PTK2: variants seen among roughly 807,000 people sequenced by gnomAD.
PTK2 encodes protein tyrosine kinase 2, also known as focal adhesion kinase 1.
Under a neutral mutation model 150.1 loss-of-function variants are expected in PTK2, and 45 were observed. The observed-to-expected ratio is 0.30, with a 90% CI of 0.24 to 0.38. The LOEUF (loss-of-function observed/expected upper bound fraction) is 0.38. Among genes scored for constraint, PTK2 ranks in the 10% least tolerant of loss-of-function variants. The pLI is 1.00. For synonymous variants in PTK2, 432 were observed against 449.2 expected (o/e 0.96, Z 0.48); for missense variants, 919 against 1,307.3 (o/e 0.70, Z 4.58).
Position 140,782,980 on chromosome 8 carries a change from T to G in PTK2, c.1177+6494A>C, listed in dbSNP as rs372495066. ...TAGGCTAGGTGCAGTGGCTCACACC[T>G]GTAATCCCAGCACTTTCGGAGGCAG... is the stretch of plus-strand genomic sequence containing the variant. On this transcript the variant is annotated intron_variant, in intron 14 of 31. Transcript: ENST00000522684. Among the ~76,000 whole-genome samples the G allele has an allele frequency of 1.1e-4, 16 of 152,312 alleles. No individual in the cohort carries two copies. In the East Asian group the frequency reaches 2.9e-3, roughly 28 times the overall value.
intron 5 of PTK2, among the ~76,000 whole-genome samples, chr8:140,850,319 G>A (rs1475938190): frequency 1.3e-5 from 2 of 151,950 alleles, no homozygotes; most frequent in Admixed American, 6.6e-5. Context: ...CCAGGTACTC[G>A]GGAGGCTAAG....
intron 23 of PTK2, 33 bp downstream of exon 26, chr8:140,717,565 T>C: frequency 2.0e-6 from 3 of 1,510,208 alleles, no homozygotes; most frequent in Non-Finnish European, 2.8e-6. Context: ...TTAGTAAGAG[T>C]AACCCCAAAG....
chr8:140,820,102 T>G (rs1162883437), intron 8 of PTK2, among the ~76,000 whole-genome samples: 10 of 88,802 alleles, frequency 1.1e-4, no homozygotes, highest in Non-Finnish European at 1.5e-4. Context: ...TTTTTTTTTT[T>G]TTTTTTTTTT....
intron 1 of PTK2, among the ~76,000 whole-genome samples, chr8:140,982,081 A>AAAAAAAAAAAAAAAAAAC (rs144602670): frequency 6.8e-6 from 1 of 146,574 alleles, no homozygotes. Context: ...AAAAAAAAAA[A>AAAAAAAAAAAAAAAAAAC]AATGACTCAG....
At chr8:140,687,699 T>C (rs1303328131) in intron 26 of PTK2, among the ~76,000 whole-genome samples, 1 of 152,180 alleles carries the variant, frequency 6.6e-6, no homozygotes, top group Non-Finnish European at 1.5e-5. Flanking sequence ...ATTGTATCAG[T>C]TCCTACTAGG....
intron 4 of PTK2, among the ~76,000 whole-genome samples, chr8:140,867,455 C>T (rs566199329): frequency 8.5e-5 from 13 of 152,202 alleles, no homozygotes; most frequent in African/African-American, 2.6e-4. Context: ...CACAATGATA[C>T]GAAGAAAAGG....
Position 140,706,220 on chromosome 8 carries a change from G to C in PTK2, c.2143-15C>G, listed in dbSNP as rs541823774. The C allele has an allele frequency of 6.3e-7, 1 of 1,592,862 alleles. No homozygotes were observed. Among genetic ancestry groups the C allele is most frequent in the African/African-American group, 1.4e-5 (1 of 74,010 alleles). The stretch of plus-strand genomic sequence containing the variant: ...GGTCTGCTGGGCTGTAAAATCAAGA[G>C]AGCATCATATGAATGAACCTTTTGA... On this transcript the variant is annotated splice_polypyrimidine_tract_variant and intron_variant, in intron 23 of 31. Transcript: ENST00000522684.
chr8:140,745,466 G>A (rs961177725), intron 18 of PTK2, among the ~76,000 whole-genome samples: 4 of 152,176 alleles, frequency 2.6e-5, no homozygotes, highest in Non-Finnish European at 5.9e-5. Context: ...AAAAGCAAAA[G>A]CAGAAAAGTA....
Position 140,741,450 on chromosome 8 carries a change from G to GT in PTK2, c.1735+1779dup, listed in dbSNP as rs547611098. ...AGCCTGGGCGACAGAGTGAGACTCT[G>GT]TCTCAAAAAAAAAATAATAATAATA... On this transcript the variant is annotated intron_variant, in intron 20 of 31. Transcript: ENST00000522684. Among the ~76,000 whole-genome samples, 377 of 150,262 alleles carry GT rather than the reference G, an allele frequency of 2.5e-3. 1 individual carries two copies. The highest frequency in any genetic ancestry group is 4.5e-3 in the Non-Finnish European group (307 of 67,714).
At chr8:140,789,349 G>T (rs1174056941) in intron 14 of PTK2, 125 bp downstream of exon 14, 6 of 815,162 alleles carry the variant, frequency 7.4e-6, no homozygotes, top group Non-Finnish European at 1.1e-5. Flanking sequence ...ATGCAAATTT[G>T]GATAGCCAGA....
intron 7 of PTK2, among the ~76,000 whole-genome samples, chr8:140,844,683 AAC>A (rs1567411055): frequency 1.3e-5 from 2 of 151,886 alleles, no homozygotes; most frequent in Non-Finnish European, 2.9e-5. Flanking sequence ...CTCTCCCTCA[AAC>A]TGCATTTTTC....
intron 7 of PTK2, among the ~76,000 whole-genome samples, chr8:140,836,869 A>C (rs2100118973): frequency 6.6e-6 from 1 of 152,214 alleles, no homozygotes; most frequent in African/African-American, 2.4e-5. Flanking sequence ...CAAATTTCTA[A>C]AAAAAGGCAA....
At chr8:140,871,838 C>T (rs764656260) in intron 4 of PTK2, among the ~76,000 whole-genome samples, 12 of 152,014 alleles carry the variant, frequency 7.9e-5, no homozygotes, top group Non-Finnish European at 1.6e-4. Flanking sequence ...ATGATCATAC[C>T]ACTGCACTCC....
At chr8:140,855,362 G>A (rs978416943) in intron 5 of PTK2, among the ~76,000 whole-genome samples, 14 of 152,066 alleles carry the variant, frequency 9.2e-5, no homozygotes, top group Non-Finnish European at 1.9e-4. Flanking sequence ...TTGGGAGGCC[G>A]AGGCGGGTGG....
intron 3 of PTK2, among the ~76,000 whole-genome samples, chr8:140,887,681 T>C (rs2100152807): frequency 6.6e-6 from 1 of 152,160 alleles, no homozygotes; most frequent in Non-Finnish European, 1.5e-5. Context: ...ATTTTAAAAT[T>C]TCTAGTAGTC....
chr8:140,680,171 T>A (rs1354964591), intron 27 of PTK2, among the ~76,000 whole-genome samples: 1 of 152,224 alleles, frequency 6.6e-6, no homozygotes, highest in East Asian at 1.9e-4. Context: ...TGCCTCCACC[T>A]GGCACAAAGC....
intron 1 of PTK2, among the ~76,000 whole-genome samples, chr8:140,980,541 G>T (rs2100191027): frequency 6.6e-6 from 1 of 152,046 alleles, no homozygotes; most frequent in African/African-American, 2.4e-5. Flanking sequence ...AGAATGGTGT[G>T]AACCCGGGAG....
intron 30 of PTK2, among the ~76,000 whole-genome samples, chr8:140,667,448 C>A (rs2092908041): frequency 1.2e-5 from 1 of 80,606 alleles, no homozygotes; most frequent in Admixed American, 1.6e-4. Flanking sequence ...TGTCCTCTTT[C>A]TTTCTCTCTC....
chr8:140,726,484 A>G (rs970131684), intron 22 of PTK2, among the ~76,000 whole-genome samples: 1 of 152,208 alleles, frequency 6.6e-6, no homozygotes, highest in African/African-American at 2.4e-5. Context: ...CTGAAAAATC[A>G]AAGAAAGAAA....
Sources: allele counts gnomAD v4.1 joint callset (sites outside exome capture counted in the v4.1 genomes callset), GRCh38; gene constraint gnomAD v4.1.1; transcripts MANE v1.5; gene names NCBI Gene and HGNC (gene_info 2026-07-23, HGNC 2026-07-21).